The following DIS3L2 variants were observed in gnomAD, a reference collection of about 807,000 sequenced individuals.
DIS3L2 encodes the protein DIS3 like 3'-5' exoribonuclease 2, also known as DIS3-like exonuclease 2.
Under a neutral mutation model 97.5 loss-of-function variants are expected in DIS3L2, and 34 were observed. That is an observed-to-expected ratio of 0.35 (90% CI 0.27 to 0.46). The LOEUF (loss-of-function observed/expected upper bound fraction) is 0.46. Ranked by LOEUF, DIS3L2 falls within the 20% of genes least tolerant of loss-of-function variation. The probability of loss-of-function intolerance (pLI) is 1.00; values close to 1 mark genes in which losing one functional copy is unlikely to be tolerated. For synonymous variants in DIS3L2, 435 were observed against 445.2 expected (o/e 0.98, Z 0.29); for missense variants, 1,038 against 1,146.0 (o/e 0.91, Z 1.36).
chr2:232,198,470 A>G (rs1691814766), intron 9 of DIS3L2: 1 of 152,224 alleles, frequency 6.6e-6, no homozygotes, highest in Non-Finnish European at 1.5e-5. Flanking sequence ...ATTAATTAGT[A>G]TTCTCATAGG....
At chr2:232,342,210 C>CACATATATACACAT (rs1311309315) in intron 13 of DIS3L2, among the ~76,000 whole-genome samples, 3 of 115,912 alleles carry the variant, frequency 2.6e-5, no homozygotes, top group Non-Finnish European at 5.0e-5. Flanking sequence ...TACATATATA[C>CACATATATACACAT]ACATATATAC....
intron 6 of DIS3L2, among the ~76,000 whole-genome samples, chr2:232,119,069 T>G (rs987220966): frequency 2.0e-5 from 3 of 152,208 alleles, no homozygotes; most frequent in Admixed American, 6.5e-5. Context: ...ATTTCCCTTT[T>G]GTCGAGTAGT....
intron 8 of DIS3L2, among the ~76,000 whole-genome samples, chr2:232,161,398 C>G (rs147324323): frequency 9.7e-4 from 148 of 152,320 alleles, no homozygotes; most frequent in Non-Finnish European, 2.0e-3. Context: ...ACTATTTTAG[C>G]TACTTCTCAC....
At chr2:232,167,829 C>T (rs1690869856) in intron 9 of DIS3L2, among the ~76,000 whole-genome samples, 2 of 152,174 alleles carry the variant, frequency 1.3e-5, no homozygotes, top group Non-Finnish European at 2.9e-5. Context: ...GTGGACAGAT[C>T]ACCTGAGGTC....
At position 232,325,982 on chromosome 2, in the gene DIS3L2, C is replaced by T. The variant is rs1358193735; in HGVS notation, c.1740-3831C>T. Among the ~76,000 whole-genome samples the T allele has an allele frequency of 6.6e-6, 1 of 151,934 alleles. No homozygotes were observed. The highest frequency in any genetic ancestry group is 2.4e-5 in the African/African-American group (1 of 41,238). On this transcript the variant is annotated intron_variant, in intron 14 of 20. Coordinates refer to ENST00000325385, the MANE Select transcript of DIS3L2 (RefSeq NM_152383.5). The surrounding 1 kb of genome is among the most constrained non-coding windows in gnomAD (Gnocchi z 4.6). ...GGCTCCCGTGGCCCAGAGTGTGGAG[C>T]GGCTCAACCTGACCACCCAGGATAG...
At chr2:232,256,228 C>T (rs1437731860) in intron 12 of DIS3L2, among the ~76,000 whole-genome samples, 2 of 152,222 alleles carry the variant, frequency 1.3e-5, no homozygotes, top group African/African-American at 4.8e-5. Context: ...CCAGAGTCTT[C>T]CTGCAACCAG....
chr2:232,317,938 A>G (rs1471938556), intron 14 of DIS3L2, among the ~76,000 whole-genome samples: 1 of 152,246 alleles, frequency 6.6e-6, no homozygotes, highest in Non-Finnish European at 1.5e-5. Flanking sequence ...AGGTAGGTAG[A>G]AGAAGTTAGA....
chr2:232,176,580 CTA>C (rs147907681), intron 9 of DIS3L2, among the ~76,000 whole-genome samples: 2,093 of 150,636 alleles, frequency 0.014, 40 homozygotes, highest in Admixed American at 0.053. Flanking sequence ...TCAGATCTTT[CTA>C]TGTTTTGTTT....
chr2:232,117,874 C>T (rs1319173929), intron 6 of DIS3L2, among the ~76,000 whole-genome samples: 1 of 151,986 alleles, frequency 6.6e-6, no homozygotes, highest in Non-Finnish European at 1.5e-5. Context: ...TAACAAATAG[C>T]CACAAACTTA....
intron 13 of DIS3L2, among the ~76,000 whole-genome samples, chr2:232,285,449 G>A (rs938002483): frequency 1.1e-4 from 17 of 152,184 alleles, no homozygotes; most frequent in East Asian, 1.9e-4. Context: ...ATTCTTCAGC[G>A]CCCACCTTAA....
At chr2:232,070,603 G>C (rs370572184) in intron 5 of DIS3L2, among the ~76,000 whole-genome samples, 2 of 114,442 alleles carry the variant, frequency 1.7e-5, no homozygotes, top group Non-Finnish European at 3.6e-5. Flanking sequence ...TTTTTTTTTT[G>C]AGATGGAGTC....
At chr2:232,256,650 C>T (rs11686145) in intron 12 of DIS3L2, among the ~76,000 whole-genome samples, 8,214 of 152,230 alleles carry the variant, frequency 0.054, 338 homozygotes, top group African/African-American at 0.11. Flanking sequence ...ACCTTTCATT[C>T]CTCCTTCTTG....
chr2:232,125,847 G>A (rs978137435), intron 6 of DIS3L2, among the ~76,000 whole-genome samples: 2 of 152,142 alleles, frequency 1.3e-5, no homozygotes, highest in Non-Finnish European at 2.9e-5. Context: ...GCCCCTGTGA[G>A]GACTTGTGTT....
chr2:232,175,307 ATC>A (rs138425278), intron 9 of DIS3L2, among the ~76,000 whole-genome samples: 1,813 of 151,976 alleles, frequency 0.012, 17 homozygotes, highest in Non-Finnish European at 0.018. Context: ...TTCTTTATTA[ATC>A]TGTTTCATTG....
chr2:232,063,123 C>G (rs1695758375), intron 5 of DIS3L2, among the ~76,000 whole-genome samples: 1 of 152,278 alleles, frequency 6.6e-6, no homozygotes, highest in Middle Eastern at 3.4e-3. Context: ...GCTCCTGCTT[C>G]CTCACTCAGG....
intron 7 of DIS3L2, among the ~76,000 whole-genome samples, chr2:232,135,727 T>C (rs1698336681): frequency 2.0e-5 from 3 of 151,888 alleles, no homozygotes; most frequent in Non-Finnish European, 2.9e-5. Context: ...GTCAGGGACA[T>C]AGAGAAGAGC....
chr2:232,317,697 A>C (rs1339058963), intron 14 of DIS3L2, among the ~76,000 whole-genome samples: 2 of 152,126 alleles, frequency 1.3e-5, no homozygotes, highest in Non-Finnish European at 2.9e-5. Context: ...TCAGCCTCCC[A>C]AAGTGCTGGG....
In DIS3L2 at chr2:232,019,178, T is replaced by A. The variant is rs541259715; in HGVS notation, c.210+3507T>A. Among the ~76,000 whole-genome samples the A allele has an allele frequency of 5.3e-4, 80 of 152,328 alleles. 2 individuals carry two copies. In the South Asian group the frequency reaches 0.016, roughly 30 times the overall value. ...AGAATAGAATATTGGTGTGAAGTTG[T>A]TATTGGCTCTCTGAAAAATCCTAGT... On this transcript the variant is annotated intron_variant, in intron 3 of 20. Transcript: ENST00000325385.
In DIS3L2 at chr2:232,325,216, C is replaced by T. The variant is rs1350701516; in HGVS notation, c.1740-4597C>T. 2.6e-5 allele frequency among the ~76,000 whole-genome samples: 4 copies of T among 152,342 alleles called. No individual in the cohort carries two copies. Among genetic ancestry groups the T allele is most frequent in the South Asian group, 2.1e-4 (1 of 4,830 alleles). The stretch of plus-strand genomic sequence containing the variant: ...GGTCCCACCTGAGCCAGCAGGAATG[C>T]GGCACCCAGTGGCTGGCTCTGCAGT... On this transcript the variant is annotated intron_variant, in intron 14 of 20. Transcript: ENST00000325385. This position sits in a 1 kb window ranked among gnomAD's most constrained non-coding sequence, Gnocchi z 4.6.
Sources: allele counts gnomAD v4.1 joint callset (sites outside exome capture counted in the v4.1 genomes callset), GRCh38; gene constraint gnomAD v4.1.1; non-coding constraint Gnocchi (gnomAD v3.1); transcripts MANE v1.5; gene names NCBI Gene and HGNC (gene_info 2026-07-23, HGNC 2026-07-21).